ABHD12: variants seen among roughly 807,000 people sequenced by gnomAD.
ABHD12 encodes lysophosphatidylserine lipase ABHD12.
In ABHD12, 43 loss-of-function variants were observed where a neutral mutation model predicts 58.3. The ratio of observed to expected loss-of-function variants is 0.74; its 90% CI spans 0.58 to 0.95. ABHD12 has a LOEUF of 0.95. Among genes scored for constraint, ABHD12 ranks in the 40% least tolerant of loss-of-function variants. ABHD12 has a pLI of 0.00. For synonymous variants in ABHD12, 219 were observed against 211.2 expected (o/e 1.04, Z -0.32); for missense variants, 539 against 537.2 (o/e 1.00, Z -0.03).
chr20:25,315,388 A>G (rs920546462), intron 5 of ABHD12, among the ~76,000 whole-genome samples: 3 of 152,144 alleles, frequency 2.0e-5, no homozygotes, highest in African/African-American at 7.2e-5. Flanking sequence ...CCCTTGCTGC[A>G]ACCCAGTATT....
At chr20:25,318,712 T>G (rs182010931) in intron 4 of ABHD12, among the ~76,000 whole-genome samples, 1 of 151,924 alleles carries the variant, frequency 6.6e-6, no homozygotes, top group African/African-American at 2.4e-5. Context: ...AACTGAACCT[T>G]ATTCACAGCC....
At position 25,362,883 on chromosome 20, in the gene ABHD12, G is replaced by A. The variant is rs111844134; in HGVS notation, c.192-23532C>T. 6.9e-3 allele frequency among the ~76,000 whole-genome samples: 1,054 copies of A among 151,964 alleles called. 5 individuals carry two copies. Among genetic ancestry groups the A allele is most frequent in the Middle Eastern group, 0.02 (6 of 294 alleles). On this transcript the variant is annotated intron_variant, in intron 1 of 12. Transcript: ENST00000339157. ...GAGACAGGTTTCTCCATGTTGGTCAGGCTACTCTCGAAGTCCCAACCTCAG... is the reference window on the plus strand; with the variant it reads ...GAGACAGGTTTCTCCATGTTGGTCAAGCTACTCTCGAAGTCCCAACCTCAG...
chr20:25,324,525 G>C (rs1030260605), intron 2 of ABHD12, among the ~76,000 whole-genome samples: 4 of 152,242 alleles, frequency 2.6e-5, no homozygotes, highest in Non-Finnish European at 4.4e-5. Flanking sequence ...CAATGACAGA[G>C]AGCAGTGTGG....
At chr20:25,295,006 G>C (rs758433942) in exon 13 of ABHD12, 7 of 1,614,210 alleles carry the variant, frequency 4.3e-6, no homozygotes, top group Non-Finnish European at 5.9e-6. Context: ...TGGGATCTGG[G>C]CTGGAACCTG....
chr20:25,368,663 A>T (rs920834894), intron 1 of ABHD12: 2 of 1,364,820 alleles, frequency 1.5e-6, no homozygotes, highest in African/African-American at 2.9e-5. Context: ...AGAGCATGAA[A>T]GTTTTCTGCT....
chr20:25,322,381 A>ATATATATTTTTTT, intron 3 of ABHD12, among the ~76,000 whole-genome samples: 6 of 59,270 alleles, frequency 1.0e-4, no homozygotes, highest in South Asian at 5.8e-4. Flanking sequence ...ATATATATAT[A>ATATATATTTTTTT]TTTTTTTTTT....
chr20:25,338,275 T>C (rs1406760384), intron 2 of ABHD12, among the ~76,000 whole-genome samples: 5 of 152,076 alleles, frequency 3.3e-5, no homozygotes, highest in Non-Finnish European at 7.4e-5. Context: ...AGGCCCAGCT[T>C]TCCAAGCCTC....
At chr20:25,355,461 A>C (rs2089654552) in intron 1 of ABHD12, among the ~76,000 whole-genome samples, 1 of 135,110 alleles carries the variant, frequency 7.4e-6, no homozygotes, top group Non-Finnish European at 1.6e-5. Flanking sequence ...TTCCTGCTAA[A>C]AGAGTAAAAC....
chr20:25,389,040 T>C (rs892229776), intron 1 of ABHD12, among the ~76,000 whole-genome samples: 1 of 152,106 alleles, frequency 6.6e-6, no homozygotes, highest in Non-Finnish European at 1.5e-5. Flanking sequence ...TCCTGACCTC[T>C]GATAATCTGC....
chr20:25,325,517 G>A (rs2145986949), intron 2 of ABHD12, among the ~76,000 whole-genome samples: 1 of 152,278 alleles, frequency 6.6e-6, no homozygotes, highest in Non-Finnish European at 1.5e-5. Context: ...ATAAAATGGG[G>A]ACATTTAGAC....
chr20:25,361,949 C>G (rs957961113), intron 1 of ABHD12, among the ~76,000 whole-genome samples: 1 of 147,648 alleles, frequency 6.8e-6, no homozygotes, highest in African/African-American at 2.5e-5. Flanking sequence ...AGCGACACTC[C>G]GTCTCAAAAC....
downstream of ABHD12, chr20:25,297,551 T>C (rs2088567825): frequency 1.3e-5 from 2 of 152,254 alleles, no homozygotes; most frequent in Admixed American, 6.5e-5. Context: ...GAGGAACCCA[T>C]TTGTGCTCTG....
At chr20:25,294,787 C>G (rs1342961243) in exon 13 of ABHD12, 3 of 699,120 alleles carry the variant, frequency 4.3e-6, no homozygotes, top group Non-Finnish European at 7.8e-6. Context: ...GCAGTTAGCA[C>G]ATGGTATGGT....
intron 1 of ABHD12, among the ~76,000 whole-genome samples, chr20:25,370,849 C>CT (rs201094435): frequency 0.15 from 21,018 of 139,350 alleles, 2,043 homozygotes; most frequent in East Asian, 0.55. Context: ...CCTTTATTGA[C>CT]TTTTTTTTTT....
intron 1 of ABHD12, among the ~76,000 whole-genome samples, chr20:25,343,531 G>A (rs556934218): frequency 2.8e-4 from 42 of 152,282 alleles, no homozygotes; most frequent in African/African-American, 9.6e-4. Context: ...GAGGCCAGGC[G>A]TGGTGGCTCA....
chr20:25,337,417 G>A (rs2089390025), intron 2 of ABHD12, among the ~76,000 whole-genome samples: 1 of 152,224 alleles, frequency 6.6e-6, no homozygotes, highest in South Asian at 2.1e-4. Context: ...CCCATGCCAT[G>A]GGGCTGGACC....
At chr20:25,364,487 G>A (rs964317889) in intron 1 of ABHD12, among the ~76,000 whole-genome samples, 3 of 152,112 alleles carry the variant, frequency 2.0e-5, no homozygotes, top group Non-Finnish European at 4.4e-5. Context: ...TCCTTTTACA[G>A]GAACTCAGAG....
At chr20:25,338,356 C>A (rs892804070) in intron 2 of ABHD12, among the ~76,000 whole-genome samples, 4 of 152,164 alleles carry the variant, frequency 2.6e-5, no homozygotes, top group African/African-American at 9.7e-5. Context: ...CCCCAGAGCC[C>A]CTGCCTCATC....
At chr20:25,354,299 G>C (rs939233337) in intron 1 of ABHD12, among the ~76,000 whole-genome samples, 1 of 152,210 alleles carries the variant, frequency 6.6e-6, no homozygotes, top group Non-Finnish European at 1.5e-5. Context: ...GCAGAAGACG[G>C]ACACAGGGTG....
Sources: gnomAD v4.1 joint callset for allele counts (sites outside exome capture counted in the v4.1 genomes callset) on GRCh38, gnomAD v4.1.1 for gene constraint, MANE v1.5 for transcripts, NCBI Gene and HGNC (gene_info 2026-07-23, HGNC 2026-07-21) for gene names.